TRAPPC3L: variants seen among roughly 807,000 people sequenced by gnomAD.
TRAPPC3L encodes trafficking protein particle complex subunit 3-like protein.
A neutral mutation model predicts 23.7 loss-of-function variants in TRAPPC3L; 23 were observed. The observed-to-expected ratio is 0.97, with a 90% CI of 0.70 to 1.37. The LOEUF (loss-of-function observed/expected upper bound fraction) is 1.37, where lower values mean the gene tolerates loss of function less well. Among genes scored for constraint, TRAPPC3L ranks in the 40% most tolerant of loss-of-function variants. The pLI is 0.00. For synonymous variants in TRAPPC3L, 81 were observed against 77.9 expected, an observed-to-expected ratio of 1.04 and a Z score of -0.21; for missense variants, 212 against 216.8, an observed-to-expected ratio of 0.98 and a Z score of 0.14.
chr6:116,543,735 T>G (rs939247517), intron 1 of TRAPPC3L: 13 of 1,227,740 alleles, frequency 1.1e-5, no homozygotes, highest in African/African-American at 1.5e-5. Flanking sequence ...ATTTCTGTTT[T>G]TCTAAAATAT....
intron 3 of TRAPPC3L, chr6:116,516,149 A>C: frequency 1.1e-6 from 1 of 904,402 alleles, no homozygotes; most frequent in Non-Finnish European, 1.6e-6. Context: ...TCTCAAGTGG[A>C]ACATCAGGAT....
Position 116,497,062 on chromosome 6 carries a change from C to A in TRAPPC3L, c.438G>T (p.Ala146=), listed in dbSNP as rs114678052. Residue 146 remains alanine, a synonymous_variant, in exon 5 of 5, where the codon GCG becomes GCT. Transcript: ENST00000368602. ...IRGALEMVHL[A]ADVTFLQDRL... is the part of the protein sequence containing the mutation. Reference sequence around the variant, plus strand: ...TGTCTTGCAAGAATGTAACATCAGCCGCCAAATGAACCTAGGAAAGAAGAA... The same window carrying A: ...TGTCTTGCAAGAATGTAACATCAGCAGCCAAATGAACCTAGGAAAGAAGAA... 1.3e-6 allele frequency: 2 copies of A among 1,539,114 alleles called. No homozygotes were observed. The highest frequency in any genetic ancestry group is 1.4e-5 in the African/African-American group (1 of 71,556).
At chr6:116,539,979 C>T (rs1336305661) in intron 3 of TRAPPC3L, among the ~76,000 whole-genome samples, 1 of 152,102 alleles carries the variant, frequency 6.6e-6, no homozygotes, top group Non-Finnish European at 1.5e-5. Flanking sequence ...AATGACTAAA[C>T]AATATTCTTT....
At chr6:116,504,641 T>A (rs1052108922) in intron 3 of TRAPPC3L, among the ~76,000 whole-genome samples, 1 of 152,166 alleles carries the variant, frequency 6.6e-6, no homozygotes, top group Non-Finnish European at 1.5e-5. Flanking sequence ...AGTAAGATAC[T>A]GGCAAACCGA....
intron 3 of TRAPPC3L, chr6:116,523,166 T>C (rs1772377028): frequency 6.6e-6 from 1 of 151,978 alleles, no homozygotes. Flanking sequence ...TGTAAGAAAC[T>C]CAGAATCCTG....
At chr6:116,540,250 G>A (rs1433303015) in intron 3 of TRAPPC3L, 113 bp downstream of exon 3, 2 of 947,984 alleles carry the variant, frequency 2.1e-6, no homozygotes, top group South Asian at 1.7e-5. Context: ...TCCTTTCTCA[G>A]CACCTAACAA....
intron 3 of TRAPPC3L, chr6:116,529,053 G>A (rs1222268282): frequency 2.6e-5 from 4 of 152,414 alleles, no homozygotes; most frequent in African/African-American, 9.6e-5. Flanking sequence ...ACTGTGCTGA[G>A]AACTGCTCTC....
chr6:116,530,902 C>CATATATATAT (rs10557481), intron 3 of TRAPPC3L, among the ~76,000 whole-genome samples: 24 of 76,480 alleles, frequency 3.1e-4, no homozygotes, highest in African/African-American at 6.1e-4. Context: ...AAGTGAGACT[C>CATATATATAT]ATATATATAT....
chr6:116,506,181 C>A (rs1772004071), intron 3 of TRAPPC3L, among the ~76,000 whole-genome samples: 1 of 152,060 alleles, frequency 6.6e-6, no homozygotes, highest in Admixed American at 6.6e-5. Flanking sequence ...AAGGAAAAAA[C>A]AACCCCATCA....
chr6:116,504,131 A>G (rs936674470), intron 3 of TRAPPC3L, among the ~76,000 whole-genome samples: 1 of 152,190 alleles, frequency 6.6e-6, no homozygotes, highest in African/African-American at 2.4e-5. Context: ...ATCTACCGCT[A>G]GCACGACTAA....
intron 3 of TRAPPC3L, chr6:116,512,195 G>T: frequency 6.2e-7 from 1 of 1,607,556 alleles, no homozygotes; most frequent in Admixed American, 1.7e-5. Context: ...GCTACCTACC[G>T]TCAATGAAGA....
chr6:116,528,288 C>A (rs1411197818), intron 3 of TRAPPC3L, among the ~76,000 whole-genome samples: 3 of 152,174 alleles, frequency 2.0e-5, no homozygotes, highest in Non-Finnish European at 4.4e-5. Context: ...TGGGTTTGAT[C>A]CAATCAGTCT....
At chr6:116,508,876 T>C (rs548622650) in intron 3 of TRAPPC3L, among the ~76,000 whole-genome samples, 1 of 151,998 alleles carries the variant, frequency 6.6e-6, no homozygotes, top group East Asian at 1.9e-4. Context: ...GCATCCAAAT[T>C]AGAAAAGAGG....
At chr6:116,505,600 G>A (rs191403884) in intron 3 of TRAPPC3L, among the ~76,000 whole-genome samples, 2 of 152,048 alleles carry the variant, frequency 1.3e-5, no homozygotes, top group Non-Finnish European at 2.9e-5. Flanking sequence ...GAGGCATCAC[G>A]CTACCTGACT....
At chr6:116,500,852 T>C (rs1771900794) in intron 3 of TRAPPC3L, among the ~76,000 whole-genome samples, 186 bp from the exon 4 acceptor site, 1 of 152,172 alleles carries the variant, frequency 6.6e-6, no homozygotes, top group South Asian at 2.1e-4. Flanking sequence ...TTTTTAAATA[T>C]TTTTACTTGT....
intron 4 of TRAPPC3L, among the ~76,000 whole-genome samples, chr6:116,498,280 C>T (rs544199552): frequency 6.6e-6 from 1 of 152,172 alleles, no homozygotes; most frequent in African/African-American, 2.4e-5. Flanking sequence ...TTCCCTTTGC[C>T]CATAAACACT....
intron 3 of TRAPPC3L, among the ~76,000 whole-genome samples, chr6:116,531,050 CT>C (rs1474958534): frequency 6.6e-6 from 1 of 151,700 alleles, no homozygotes; most frequent in Non-Finnish European, 1.5e-5. Flanking sequence ...TCCTGAGGGG[CT>C]CCCTATGATC....
intron 3 of TRAPPC3L, among the ~76,000 whole-genome samples, chr6:116,501,853 C>T (rs529923784): frequency 3.3e-4 from 51 of 152,258 alleles, no homozygotes; most frequent in African/African-American, 1.2e-3. Flanking sequence ...ACATCCACAC[C>T]AAACCCCATC....
At chr6:116,539,398 T>C (rs1281099234) in intron 3 of TRAPPC3L, among the ~76,000 whole-genome samples, 1 of 152,192 alleles carries the variant, frequency 6.6e-6, no homozygotes, top group Non-Finnish European at 1.5e-5. Flanking sequence ...ATACCAGTAA[T>C]AATATGAGTA....
Sources: allele counts gnomAD v4.1 joint callset (sites outside exome capture counted in the v4.1 genomes callset), GRCh38; gene constraint gnomAD v4.1.1; transcripts MANE v1.5; gene names NCBI Gene and HGNC (gene_info 2026-07-23, HGNC 2026-07-21).